Variants in OSBP2 observed in about 807,000 individuals in gnomAD.
OSBP2 encodes the protein oxysterol-binding protein 2.
OSBP2 carries 66 observed loss-of-function variants against 96.0 expected under a neutral mutation model. The observed-to-expected ratio is 0.69, with a 90% CI of 0.56 to 0.84. The LOEUF (loss-of-function observed/expected upper bound fraction) is 0.84. OSBP2 is among the 40% of genes least tolerant of loss of function. The probability of loss-of-function intolerance (pLI) is 0.00; values close to 1 mark genes in which losing one functional copy is unlikely to be tolerated. For synonymous variants in OSBP2, 525 were observed against 520.9 expected, an observed-to-expected ratio of 1.01 and a Z score of -0.11; for missense variants, 1,038 against 1,222.7, an observed-to-expected ratio of 0.85 and a Z score of 2.25.
chr22:30,888,844 G>A (rs2039877337), intron 5 of OSBP2, among the ~76,000 whole-genome samples: 1 of 152,188 alleles, frequency 6.6e-6, no homozygotes, highest in African/African-American at 2.4e-5. Context: ...GGGCTATATG[G>A]CACAGCCTAT....
intron 2 of OSBP2, among the ~76,000 whole-genome samples, chr22:30,810,330 G>C (rs2090989195): frequency 6.6e-6 from 1 of 152,184 alleles, no homozygotes. Context: ...AGGGCCACTG[G>C]ATTCAGGGAT....
At chr22:30,879,108 G>A (rs2039645038) in intron 3 of OSBP2, among the ~76,000 whole-genome samples, 1 of 152,218 alleles carries the variant, frequency 6.6e-6, no homozygotes, top group African/African-American at 2.4e-5. Flanking sequence ...AGGCTTCTCT[G>A]AGGCCCCTCT....
intron 2 of OSBP2, among the ~76,000 whole-genome samples, chr22:30,784,209 T>G (rs949305075): frequency 3.3e-5 from 5 of 150,896 alleles, no homozygotes; most frequent in African/African-American, 1.2e-4. Context: ...TTCAAATCAC[T>G]TGGAAAAGAA....
rs375769418 is a variant in OSBP2, at chr22:30,889,472, T to C, written c.1477-18T>C. 2.0e-5 allele frequency: 33 copies of C among 1,613,658 alleles called. No individual in the cohort carries two copies. The African/African-American group carries it at 3.5e-4, about 17-fold the overall frequency. ...CTGGCCTCTGCTGACGGTGAGGGGG[T>C]CCCCACTTATGTGGCAGGTACTAGA... On this transcript the variant is annotated intron_variant, in intron 6 of 13. Coordinates refer to ENST00000332585, the MANE Select transcript of OSBP2 (RefSeq NM_030758.4).
chr22:30,793,144 C>G (rs910439789), intron 2 of OSBP2, among the ~76,000 whole-genome samples: 1 of 152,230 alleles, frequency 6.6e-6, no homozygotes, highest in Admixed American at 6.5e-5. Context: ...AATCCCAACA[C>G]TTTGGGAGGC....
intron 1 of OSBP2, among the ~76,000 whole-genome samples, chr22:30,726,772 A>T (rs778931320): frequency 3.9e-5 from 6 of 152,222 alleles, no homozygotes; most frequent in Non-Finnish European, 8.8e-5. Flanking sequence ...CATTTATTTA[A>T]CATTTCTCAA....
chr22:30,835,016 A>G (rs1347766776), intron 2 of OSBP2, among the ~76,000 whole-genome samples: 1 of 151,966 alleles, frequency 6.6e-6, no homozygotes, highest in East Asian at 1.9e-4. Context: ...AGGTTTTACC[A>G]TGTTGGTCAG....
chr22:30,756,710 AC>A (rs1490046882), intron 2 of OSBP2, among the ~76,000 whole-genome samples: 6 of 151,946 alleles, frequency 3.9e-5, no homozygotes, highest in Non-Finnish European at 8.8e-5. Context: ...AAACAAACAA[AC>A]AAAAAAAACC....
At chr22:30,781,332 G>A (rs1015928173) in intron 2 of OSBP2, among the ~76,000 whole-genome samples, 35 of 151,978 alleles carry the variant, frequency 2.3e-4, no homozygotes, top group African/African-American at 8.5e-4. Flanking sequence ...GAGTATGGAA[G>A]TCATGCTTCT....
At chr22:30,701,157 C>T (rs1481892394) in intron 1 of OSBP2, among the ~76,000 whole-genome samples, 1 of 151,532 alleles carries the variant, frequency 6.6e-6, no homozygotes, top group Non-Finnish European at 1.5e-5. Context: ...GAGCTGCACC[C>T]ATTTTGGGTC....
At chr22:30,865,086 C>G (rs979509993) in intron 2 of OSBP2, among the ~76,000 whole-genome samples, 1 of 152,176 alleles carries the variant, frequency 6.6e-6, no homozygotes, top group African/African-American at 2.4e-5. Context: ...GAGAAAAAAG[C>G]TCCACTTCTA....
intron 1 of OSBP2, among the ~76,000 whole-genome samples, chr22:30,735,690 T>C (rs923856520): frequency 3.9e-5 from 6 of 152,068 alleles, no homozygotes; most frequent in Admixed American, 3.9e-4. Flanking sequence ...CATATTATTA[T>C]GGCTGAAGCG....
rs145695204 is a variant in OSBP2 at position 30,850,306 on chromosome 22, C to CAAA, written c.854-20108_854-20106dup. Among the ~76,000 whole-genome samples the CAAA allele has an allele frequency of 7.1e-3, 865 of 121,096 alleles. 6 individuals carry two copies. The highest frequency in any genetic ancestry group is 0.027 in the African/African-American group (822 of 30,962). The allele number at this position is 121,096 out of a possible 152,430, so 79.4% of individuals were successfully genotyped here. ...TGGGTAACAGAGCTAGACTCTGTCT[C>CAAA]AAAAAAAAAAAAAAAAATTCAGTTG... On this transcript the variant is annotated intron_variant, in intron 2 of 13. Transcript: ENST00000332585.
chr22:30,742,110 G>A (rs2089946343), intron 2 of OSBP2, among the ~76,000 whole-genome samples: 1 of 150,430 alleles, frequency 6.6e-6, no homozygotes, highest in African/African-American at 2.4e-5. Context: ...ATGAGCCACC[G>A]CGCCCGGCCA....
chr22:30,704,099 T>G (rs1391788581), intron 1 of OSBP2, among the ~76,000 whole-genome samples: 1 of 152,160 alleles, frequency 6.6e-6, no homozygotes, highest in African/African-American at 2.4e-5. Context: ...GACTCTTCTG[T>G]GGGGTCCTGG....
intron 1 of OSBP2, among the ~76,000 whole-genome samples, chr22:30,727,005 T>C (rs1457363137): frequency 6.6e-6 from 1 of 152,224 alleles, no homozygotes; most frequent in African/African-American, 2.4e-5. Flanking sequence ...CAAAAGTCTG[T>C]GTAGCCCAAT....
rs148440236 is a variant in OSBP2, at chr22:30,903,840, A to G, written c.2376-1997A>G. ...GTGCTTCCCACCTCCCCTTCAATTC[A>G]TAGCCAAAATGGGTCTAGAATCTGG... is the stretch of plus-strand genomic sequence containing the variant. On this transcript the variant is annotated intron_variant, in intron 12 of 13. Transcript: ENST00000332585. Among the ~76,000 whole-genome samples the G allele has an allele frequency of 7.8e-3, 1,182 of 152,332 alleles. 16 individuals are homozygous for G. The highest frequency in any genetic ancestry group is 0.031 in the Middle Eastern group (9 of 294).
At chr22:30,815,234 G>A (rs983632441) in intron 2 of OSBP2, among the ~76,000 whole-genome samples, 1 of 152,198 alleles carries the variant, frequency 6.6e-6, no homozygotes, top group Non-Finnish European at 1.5e-5. Flanking sequence ...AGTGAGCTAT[G>A]ATCATGCCGC....
intron 1 of OSBP2, among the ~76,000 whole-genome samples, chr22:30,711,304 A>G (rs1209170637): frequency 1.3e-5 from 2 of 151,960 alleles, no homozygotes; most frequent in East Asian, 1.9e-4. Flanking sequence ...ATATATTTAT[A>G]CAATGTTTGA....
Sources: allele counts gnomAD v4.1 joint callset (sites outside exome capture counted in the v4.1 genomes callset), GRCh38; gene constraint gnomAD v4.1.1; transcripts MANE v1.5; gene names NCBI Gene and HGNC (gene_info 2026-07-23, HGNC 2026-07-21).